CLMP: variants seen among roughly 807,000 people sequenced by gnomAD.
The protein encoded by CLMP is CXADR like cell adhesion molecule.
Under a neutral mutation model 45.2 loss-of-function variants are expected in CLMP, and 27 were observed. That is an observed-to-expected ratio of 0.60 (90% CI 0.44 to 0.82). CLMP has a LOEUF of 0.82. Ranked by LOEUF, CLMP falls within the 40% of genes least tolerant of loss-of-function variation. The probability of loss-of-function intolerance (pLI) is 0.00; values close to 1 mark genes in which losing one functional copy is unlikely to be tolerated. For synonymous variants in CLMP, 167 were observed against 171.4 expected, an observed-to-expected ratio of 0.97 and a Z score of 0.20; for missense variants, 403 against 448.4, an observed-to-expected ratio of 0.90 and a Z score of 0.91.
At chr11:123,129,596 G>GTATATAATATATATTATATTTATAT (rs1860955113) in intron 1 of CLMP, among the ~76,000 whole-genome samples, 2 of 135,632 alleles carry the variant, frequency 1.5e-5, no homozygotes, top group Admixed American at 1.6e-4. Context: ...TAATTATATA[G>GTATATAATATATATTATATTTATAT]TATATAATAT....
intron 1 of CLMP, among the ~76,000 whole-genome samples, chr11:123,112,338 C>CTTTTTTTT (rs544128953): frequency 7.3e-6 from 1 of 137,574 alleles, no homozygotes; most frequent in Non-Finnish European, 1.6e-5. Flanking sequence ...TTTTCTTTTT[C>CTTTTTTTT]TTTTTTTTTT....
chr11:123,191,864 G>GCTTC (rs1345009238), intron 1 of CLMP, among the ~76,000 whole-genome samples: 3 of 152,222 alleles, frequency 2.0e-5, no homozygotes, highest in African/African-American at 7.2e-5. Flanking sequence ...CCTTCATGGA[G>GCTTC]CTTCCATTCT....
chr11:123,162,800 G>A (rs989778181), intron 1 of CLMP, among the ~76,000 whole-genome samples: 5 of 151,862 alleles, frequency 3.3e-5, no homozygotes, highest in African/African-American at 1.2e-4. Context: ...TGCTTGGGGG[G>A]CTGAGGCAGG....
At chr11:123,080,365 G>A (rs2509254) in intron 5 of CLMP, among the ~76,000 whole-genome samples, 1 of 130,974 alleles carries the variant, frequency 7.6e-6, no homozygotes, top group Non-Finnish European at 1.6e-5. Context: ...TTTCGCTCTT[G>A]TTGCCCAGGC....
intron 1 of CLMP, among the ~76,000 whole-genome samples, chr11:123,111,586 A>G (rs1860639061): frequency 6.6e-6 from 1 of 152,166 alleles, no homozygotes; most frequent in Non-Finnish European, 1.5e-5. Flanking sequence ...AAGGGGGCAG[A>G]ATTTACTTAG....
chr11:123,116,077 G>C (rs1860716273), intron 1 of CLMP, among the ~76,000 whole-genome samples: 1 of 152,054 alleles, frequency 6.6e-6, no homozygotes. Context: ...CCACACGGCA[G>C]CTGGCTTCCC....
intron 1 of CLMP, among the ~76,000 whole-genome samples, chr11:123,103,557 T>C (rs754996666): frequency 2.0e-5 from 3 of 152,042 alleles, no homozygotes; most frequent in Non-Finnish European, 4.4e-5. Context: ...CCTCTGTGAA[T>C]ACAAATGGCT....
chr11:123,174,514 C>A (rs1435858042), intron 1 of CLMP, among the ~76,000 whole-genome samples: 1 of 152,152 alleles, frequency 6.6e-6, no homozygotes, highest in East Asian at 1.9e-4. Context: ...GACATTGGGT[C>A]TCCTTGAGTT....
chr11:123,118,969 CTTTCTTTCTTTCTTTCTTTCTT>C (rs1565387773), intron 1 of CLMP, among the ~76,000 whole-genome samples: 5 of 44,362 alleles, frequency 1.1e-4, no homozygotes, highest in African/African-American at 4.8e-4. Flanking sequence ...TTCTTTCTTT[CTTTCTTTCTTTCTTTCTTTCTT>C]TCTTTCTTTC....
intron 1 of CLMP, among the ~76,000 whole-genome samples, chr11:123,106,408 TGTGTGTGTGTGTGTGTGCGC>T (rs1860551941): frequency 1.6e-5 from 2 of 124,100 alleles, no homozygotes; most frequent in Non-Finnish European, 3.5e-5. Flanking sequence ...TGTGTGTGTG[TGTGTGTGTGTGTGTGTGCGC>T]GCGCGCGCGC....
At chr11:123,154,549 T>A (rs1861386281) in intron 1 of CLMP, among the ~76,000 whole-genome samples, 1 of 152,204 alleles carries the variant, frequency 6.6e-6, no homozygotes, top group Non-Finnish European at 1.5e-5. Flanking sequence ...AAATCTCTTA[T>A]GTCAGATATC....
rs567753108 is a variant in CLMP, at chr11:123,167,555, G to A, written c.28+27358C>T. Among the ~76,000 whole-genome samples, 8 of 152,008 alleles carry A rather than the reference G, an allele frequency of 5.3e-5. No individual in the cohort carries two copies. The East Asian group carries it at 1.2e-3, about 22-fold the overall frequency. On this transcript the variant is annotated intron_variant, in intron 1 of 6. Transcript: ENST00000448775. Reference sequence around the variant, plus strand: ...CTGCCTTGGCCTCCCAAAGTGCTGGGATTACAGGCATGAGCCACCACGCCC... The same window carrying A: ...CTGCCTTGGCCTCCCAAAGTGCTGGAATTACAGGCATGAGCCACCACGCCC...
At chr11:123,167,573 C>A (rs1272198057) in intron 1 of CLMP, among the ~76,000 whole-genome samples, 1 of 151,896 alleles carries the variant, frequency 6.6e-6, no homozygotes, top group East Asian at 1.9e-4. Flanking sequence ...GCATGAGCCA[C>A]CACGCCCCGC....
At chr11:123,113,825 A>G (rs1204273371) in intron 1 of CLMP, among the ~76,000 whole-genome samples, 1 of 152,206 alleles carries the variant, frequency 6.6e-6, no homozygotes, top group Non-Finnish European at 1.5e-5. Flanking sequence ...CCATTCAGAA[A>G]TACAGCAGGT....
intron 1 of CLMP, among the ~76,000 whole-genome samples, chr11:123,147,544 C>G (rs1333752575): frequency 6.6e-6 from 1 of 152,182 alleles, no homozygotes; most frequent in Non-Finnish European, 1.5e-5. Flanking sequence ...TCCCAAAGTG[C>G]TAGGATTACA....
intron 1 of CLMP, among the ~76,000 whole-genome samples, chr11:123,129,470 T>A (rs1369011921): frequency 7.1e-6 from 1 of 141,796 alleles, no homozygotes; most frequent in Admixed American, 7.5e-5. Flanking sequence ...TATCATATGA[T>A]ATATTATAGA....
At chr11:123,176,389 A>G (rs890867598) in intron 1 of CLMP, among the ~76,000 whole-genome samples, 1 of 152,234 alleles carries the variant, frequency 6.6e-6, no homozygotes, top group African/African-American at 2.4e-5. Flanking sequence ...ATGTATAAAG[A>G]TTCCTCTTTG....
intron 1 of CLMP, among the ~76,000 whole-genome samples, chr11:123,178,617 A>G (rs1168320964): frequency 6.6e-6 from 1 of 152,224 alleles, no homozygotes; most frequent in South Asian, 2.1e-4. Context: ...TCCATTCATG[A>G]TGGTTAGCAT....
At chr11:123,094,456 G>A (rs1865967997) in intron 2 of CLMP, among the ~76,000 whole-genome samples, 1 of 152,158 alleles carries the variant, frequency 6.6e-6, no homozygotes, top group African/African-American at 2.4e-5. Context: ...GTGACCTTAG[G>A]CAATTTGTTC....
Sources: allele counts gnomAD v4.1 joint callset (sites outside exome capture counted in the v4.1 genomes callset), GRCh38; gene constraint gnomAD v4.1.1; transcripts MANE v1.5; gene names NCBI Gene and HGNC (gene_info 2026-07-23, HGNC 2026-07-21).